GSDME: variants seen among roughly 807,000 people sequenced by gnomAD.
The protein encoded by GSDME is gasdermin E.
A neutral mutation model predicts 47.5 loss-of-function variants in GSDME; 44 were observed. That is an observed-to-expected ratio of 0.93 (90% confidence interval 0.73 to 1.19). The LOEUF (loss-of-function observed/expected upper bound fraction) is 1.19. Ranked by LOEUF, GSDME falls within the 50% of genes most tolerant of loss-of-function variation. The pLI is 0.00. For missense variants in GSDME, 663 were observed against 604.2 expected, an observed-to-expected ratio of 1.10 and a Z score of -1.02; for synonymous variants, 258 against 252.8, an observed-to-expected ratio of 1.02 and a Z score of -0.20.
chr7:24,773,769 G>A, the GSDME span, among the ~76,000 whole-genome samples: 242 of 152,304 alleles, frequency 1.6e-3, 2 homozygotes, highest in African/African-American at 5.6e-3. This position sits in a 1 kb window ranked among gnomAD's most constrained non-coding sequence, Gnocchi z 5.4. Context: ...AGAATCTGGT[G>A]CTTTCCTTCT....
rs748849547 is a variant in GSDME, at chr7:24,719,234, G to A, written c.405-16C>T. 45 of 1,605,816 alleles carry A rather than the reference G, an allele frequency of 2.8e-5. No individual in the cohort carries two copies. Among genetic ancestry groups the A allele is most frequent in the Non-Finnish European group, 3.5e-5 (41 of 1,179,606 alleles). ...ATTTATTGTTCTGAAAAAGAAAAAC[G>A]GATGTGAGTGGCTTAGTGCCTCAGG... is the stretch of plus-strand genomic sequence containing the variant. On this transcript the variant is annotated splice_polypyrimidine_tract_variant and intron_variant, in intron 3 of 9. Transcript: ENST00000645220.
At chr7:24,790,951 T>G in the GSDME span, among the ~76,000 whole-genome samples, 298 of 152,294 alleles carry the variant, frequency 2.0e-3, 5 homozygotes, top group Admixed American at 0.018. The surrounding 1 kb of genome is among the most constrained non-coding windows in gnomAD (Gnocchi z 4.1). Flanking sequence ...AAGTCCAAAA[T>G]TTAAGGAAAA....
chr7:24,776,109 G>A, the GSDME span, among the ~76,000 whole-genome samples: 1 of 149,564 alleles, frequency 6.7e-6, no homozygotes, highest in Non-Finnish European at 1.5e-5. Context: ...GAACCTGAGA[G>A]GCAGAGGTTG....
At position 24,752,837 on chromosome 7, in the gene GSDME, T is replaced by C. The variant is rs1330745947; in HGVS notation, c.-19-3044A>G. ...GTTCACTCACGCACTTGCCTTCAGA[T>C]CACACAGGTTTCTGTAGAAACCAAA... On this transcript the variant is annotated intron_variant, in intron 1 of 9. Coordinates refer to ENST00000645220, the MANE Select transcript of GSDME (RefSeq NM_001127453.2). Among the ~76,000 whole-genome samples, 4 of 152,284 alleles carry C rather than the reference T, an allele frequency of 2.6e-5. No homozygotes were observed. In the East Asian group the frequency reaches 5.8e-4, roughly 22 times the overall value.
At chr7:24,715,555 C>CA (rs1410329739) in intron 5 of GSDME, 2 of 466,450 alleles carry the variant, frequency 4.3e-6, no homozygotes, top group African/African-American at 4.0e-5. Flanking sequence ...ACAGGACCAC[C>CA]AAGGCAGACA....
the GSDME span, among the ~76,000 whole-genome samples, chr7:24,781,084 A>G: frequency 6.6e-6 from 1 of 152,168 alleles, no homozygotes; most frequent in African/African-American, 2.4e-5. Context: ...TGAAAAGCGC[A>G]TCTTTCTCAG....
rs1789782624 is a variant in GSDME at position 24,721,437 on chromosome 7, G to C, written c.405-2219C>G. Among the ~76,000 whole-genome samples the C allele has an allele frequency of 6.6e-6, 1 of 152,214 alleles. No individual in the cohort carries two copies. The highest frequency in any genetic ancestry group is 1.9e-4 in the East Asian group (1 of 5,194). On this transcript the variant is annotated intron_variant, in intron 3 of 9. Transcript: ENST00000645220. The surrounding 1 kb of genome is among the most constrained non-coding windows in gnomAD (Gnocchi z 4.1). ...CAGGGACCCTGGAGCCTGCAGGGCT[G>C]GGGTTCGGATCTCAGCTCTGCCCTC...
In GSDME at chr7:24,716,767, TTAA is replaced by T. The variant is rs151099136; in HGVS notation, c.697+484_697+486del. ...GCTATTAATAGCAAAGGTGGAGGAATTAATAAATGACCACTGTGCCAGGCGCTT... is the reference window on the plus strand; with the variant it reads ...GCTATTAATAGCAAAGGTGGAGGAATTAAATGACCACTGTGCCAGGCGCTT... On this transcript the variant is annotated intron_variant, in intron 5 of 9. Transcript: ENST00000645220. This position sits in a 1 kb window ranked among gnomAD's most constrained non-coding sequence, Gnocchi z 4.5. The T allele has an allele frequency of 0.057, 10,811 of 190,610 alleles. 353 individuals are homozygous for T. Among genetic ancestry groups the T allele is most frequent in the African/African-American group, 0.083 (3,599 of 43,442 alleles). 11.8% of individuals were successfully genotyped at this position (190,610 alleles called of 1,614,324 possible).
the GSDME span, among the ~76,000 whole-genome samples, chr7:24,764,787 T>A: frequency 1.3e-5 from 2 of 152,212 alleles, no homozygotes; most frequent in African/African-American, 4.8e-5. The surrounding 1 kb of genome is among the most constrained non-coding windows in gnomAD (Gnocchi z 4.4). Context: ...CTCACTGAGT[T>A]ACTGTGATTA....
At chr7:24,727,193 G>A (rs1347109787) in intron 3 of GSDME, among the ~76,000 whole-genome samples, 1 of 152,210 alleles carries the variant, frequency 6.6e-6, no homozygotes, top group African/African-American at 2.4e-5. Context: ...CATTAGTGAA[G>A]AATGTGCCCC....
chr7:24,757,787 C>G (rs772178969), upstream of GSDME: 1 of 152,376 alleles, frequency 6.6e-6, no homozygotes, highest in Non-Finnish European at 1.5e-5. This position sits in a 1 kb window ranked among gnomAD's most constrained non-coding sequence, Gnocchi z 5.9. Flanking sequence ...TGCGCGGGAC[C>G]GTGGGGTTTG....
Position 24,716,758 on chromosome 7 carries a change from G to C in GSDME, c.697+496C>G, listed in dbSNP as rs2299098. 48,314 of 188,230 alleles carry C rather than the reference G, an allele frequency of 0.26. 7,383 individuals are homozygous for C. The highest frequency in any genetic ancestry group is 0.43 in the African/African-American group (18,255 of 42,868). 11.7% of individuals were successfully genotyped at this position (188,230 alleles called of 1,614,324 possible). A position where few individuals can be genotyped will look rare whatever the true frequency, so the allele number is the denominator to read the frequency against. On this transcript the variant is annotated intron_variant, in intron 5 of 9. Transcript: ENST00000645220. This position sits in a 1 kb window ranked among gnomAD's most constrained non-coding sequence, Gnocchi z 4.5. ...GATGATAATGCTATTAATAGCAAAG[G>C]TGGAGGAATTAATAAATGACCACTG...
upstream of GSDME, among the ~76,000 whole-genome samples, chr7:24,759,829 T>TC (rs1434070752): frequency 2.6e-5 from 4 of 152,342 alleles, no homozygotes; most frequent in South Asian, 6.2e-4. Flanking sequence ...GCTCTCCCTG[T>TC]CCAATGGTGG....
chr7:24,737,153 G>T (rs1384265849), intron 3 of GSDME, among the ~76,000 whole-genome samples: 1 of 151,778 alleles, frequency 6.6e-6, no homozygotes, highest in African/African-American at 2.4e-5. Context: ...AAATAATAAA[G>T]ATTAGAACAG....
the GSDME span, among the ~76,000 whole-genome samples, chr7:24,795,080 C>T: frequency 3.3e-5 from 5 of 152,200 alleles, no homozygotes; most frequent in Non-Finnish European, 7.3e-5. Context: ...AGTTCCAAGA[C>T]CAGTCTTACC....
Position 24,735,108 on chromosome 7 carries a change from C to T in GSDME, c.404+9454G>A, listed in dbSNP as rs1341034936. Among the ~76,000 whole-genome samples, 1 of 152,132 alleles carries T rather than the reference C, an allele frequency of 6.6e-6. No homozygotes were observed. Among genetic ancestry groups the T allele is most frequent in the Non-Finnish European group, 1.5e-5 (1 of 68,020 alleles). ...ATGTTTGGCAGCAGACTTTTCAGCACAAGTCTTTAAAGGCCAGGAGAGAGT... is the reference window on the plus strand; with the variant it reads ...ATGTTTGGCAGCAGACTTTTCAGCATAAGTCTTTAAAGGCCAGGAGAGAGT... On this transcript the variant is annotated intron_variant, in intron 3 of 9. Transcript: ENST00000645220. The surrounding 1 kb of genome is among the most constrained non-coding windows in gnomAD (Gnocchi z 4.4).
intron 6 of GSDME, 143 bp downstream of exon 6, chr7:24,710,081 G>C: frequency 1.1e-6 from 1 of 904,548 alleles, no homozygotes. Flanking sequence ...CGAGTGGACT[G>C]GGCCTCGGCG....
chr7:24,703,192 C>G (rs571292912), intron 8 of GSDME: 1 of 350,840 alleles, frequency 2.9e-6, no homozygotes, highest in East Asian at 7.4e-5. Flanking sequence ...TCCACACATT[C>G]AGGCTGCAGC....
Position 24,724,661 on chromosome 7 carries a change from T to C in GSDME, c.405-5443A>G, listed in dbSNP as rs1274752429. On this transcript the variant is annotated intron_variant, in intron 3 of 9. Coordinates refer to ENST00000645220, the MANE Select transcript of GSDME (RefSeq NM_001127453.2). The surrounding 1 kb of genome is among the most constrained non-coding windows in gnomAD (Gnocchi z 4.8). ...CTCAACTCCGCCCACCCAGTTCTAC[T>C]GTGAGGTTGCCCTTCTGCGCGTACC... 1 of 152,276 alleles carries C rather than the reference T, an allele frequency of 6.6e-6. No individual in the cohort carries two copies. Among genetic ancestry groups the C allele is most frequent in the Non-Finnish European group, 1.5e-5 (1 of 68,092 alleles). 9.4% of individuals were successfully genotyped at this position (152,276 alleles called of 1,614,324 possible).
Sources: gnomAD v4.1 joint callset for allele counts (sites outside exome capture counted in the v4.1 genomes callset) on GRCh38, gnomAD v4.1.1 for gene constraint, Gnocchi (gnomAD v3.1) non-coding constraint, MANE v1.5 for transcripts, NCBI Gene and HGNC (gene_info 2026-07-23, HGNC 2026-07-21) for gene names.